CMTM4: variants seen among roughly 807,000 people sequenced by gnomAD.
The protein encoded by CMTM4 is CKLF-like MARVEL transmembrane domain-containing protein 4.
Under a neutral mutation model 19.0 loss-of-function variants are expected in CMTM4, and 8 were observed. The ratio of observed to expected loss-of-function variants is 0.42; its 90% CI spans 0.25 to 0.76. The LOEUF is 0.76. Among genes scored for constraint, CMTM4 ranks in the 30% least tolerant of loss-of-function variants. CMTM4 has a pLI of 0.27. For synonymous variants in CMTM4, 106 were observed against 121.1 expected (o/e 0.88, Z 0.82); for missense variants, 228 against 290.2 (o/e 0.79, Z 1.56).
At chr16:66,678,955 T>C (rs781084759) in intron 1 of CMTM4, among the ~76,000 whole-genome samples, 2 of 151,758 alleles carry the variant, frequency 1.3e-5, no homozygotes, top group Non-Finnish European at 1.5e-5. Flanking sequence ...GTACAAAAAT[T>C]AGGCATGGTG....
intron 2 of CMTM4, among the ~76,000 whole-genome samples, chr16:66,633,106 TATATATATATAA>T (rs56896056): frequency 0.24 from 30,993 of 129,490 alleles, 4,404 homozygotes; most frequent in East Asian, 0.46. Flanking sequence ...TATATAAATA[TATATATATATAA>T]ATATATATAT....
chr16:66,644,704 C>T (rs1213852034), intron 1 of CMTM4, among the ~76,000 whole-genome samples: 1 of 152,144 alleles, frequency 6.6e-6, no homozygotes. Context: ...TGGCAGCAGC[C>T]TTTTGGAACT....
chr16:66,673,706 C>A (rs1420032899), intron 1 of CMTM4, among the ~76,000 whole-genome samples: 3 of 152,170 alleles, frequency 2.0e-5, no homozygotes, highest in Non-Finnish European at 4.4e-5. Context: ...ATACTCCTTG[C>A]AGTTTACTTA....
At position 66,694,605 on chromosome 16, in the gene CMTM4, C is replaced by A. The variant is rs1427820847; in HGVS notation, c.186+1735G>T. The stretch of plus-strand genomic sequence containing the variant: ...GTGGGCGCCTGTAATCCCAGCTACT[C>A]GGGAGGCTGAGGCAGGAGAATCGCT... On this transcript the variant is annotated intron_variant, in intron 1 of 3. Coordinates refer to ENST00000394106, the MANE Select transcript of CMTM4 (RefSeq NM_181521.3). Among the ~76,000 whole-genome samples the A allele has an allele frequency of 1.8e-4, 26 of 148,492 alleles. No homozygotes were observed. In the Admixed American group the frequency reaches 1.8e-3, roughly 10 times the overall value.
At chr16:66,632,483 T>C (rs1298772250) in intron 2 of CMTM4, among the ~76,000 whole-genome samples, 1 of 152,196 alleles carries the variant, frequency 6.6e-6, no homozygotes, top group Non-Finnish European at 1.5e-5. Context: ...TTAAACTCCA[T>C]ATTTACTTTC....
At chr16:66,610,946 A>G (rs2015354197), downstream of CMTM4, 1 of 398,432 alleles carries the variant, frequency 2.5e-6, no homozygotes, top group South Asian at 1.3e-4. This position sits in a 1 kb window ranked among gnomAD's most constrained non-coding sequence, Gnocchi z 4.6. Context: ...GGCAAATATT[A>G]GGTTAGAGCT....
At chr16:66,693,866 C>CA (rs755059026) in intron 1 of CMTM4, among the ~76,000 whole-genome samples, 35 of 152,000 alleles carry the variant, frequency 2.3e-4, no homozygotes, top group Non-Finnish European at 3.7e-4. Context: ...ACCAAAAATA[C>CA]AAAAAATTAG....
chr16:66,665,259 T>C (rs537707717), intron 1 of CMTM4, among the ~76,000 whole-genome samples: 2 of 88,074 alleles, frequency 2.3e-5, no homozygotes, highest in African/African-American at 8.2e-5. Context: ...AGACCCTGTT[T>C]CTTAAAAAAA....
chr16:66,686,741 C>A (rs2017040261), intron 1 of CMTM4, among the ~76,000 whole-genome samples: 1 of 151,908 alleles, frequency 6.6e-6, no homozygotes, highest in African/African-American at 2.4e-5. Flanking sequence ...TCAACCAAGT[C>A]TGTATTTTTT....
At chr16:66,691,232 G>A (rs937885184) in intron 1 of CMTM4, among the ~76,000 whole-genome samples, 1 of 151,992 alleles carries the variant, frequency 6.6e-6, no homozygotes, top group Non-Finnish European at 1.5e-5. Context: ...GATCAGGTGC[G>A]GTGGCTCACG....
chr16:66,654,813 T>C (rs2016369039), intron 1 of CMTM4, among the ~76,000 whole-genome samples: 1 of 152,204 alleles, frequency 6.6e-6, no homozygotes, highest in African/African-American at 2.4e-5. Context: ...GCTGTGAGGA[T>C]TAAATGTAAA....
rs549361390 is a variant in CMTM4, at chr16:66,667,660, T to C, written c.186+28680A>G. Among the ~76,000 whole-genome samples the C allele has an allele frequency of 6.8e-3, 1,036 of 152,190 alleles. 9 individuals carry two copies. The highest frequency in any genetic ancestry group is 8.9e-3 in the Non-Finnish European group (605 of 67,994). On this transcript the variant is annotated intron_variant, in intron 1 of 3. Transcript: ENST00000394106. ...ACCCCGGCACTTTGGGAGGCCGAGG[T>C]GGGCAGATCACGAGGTCAGAAGCTC...
At chr16:66,680,497 G>A (rs1372181518) in intron 1 of CMTM4, among the ~76,000 whole-genome samples, 2 of 141,248 alleles carry the variant, frequency 1.4e-5, no homozygotes, top group Non-Finnish European at 3.1e-5. Context: ...AAAAAAGGTC[G>A]GGCATGGTGG....
rs1048243252 is a variant in CMTM4 at position 66,650,768 on chromosome 16, G to A, written c.187-14187C>T. 3.3e-5 allele frequency among the ~76,000 whole-genome samples: 5 copies of A among 152,146 alleles called. No homozygotes were observed. In the South Asian group the frequency reaches 6.2e-4, roughly 19 times the overall value. ...TAAACTAGTTTGGGAAACACAAAAG[G>A]CATGTGCTGGTCAATACTCAGCTTT... On this transcript the variant is annotated intron_variant, in intron 1 of 3. Coordinates refer to ENST00000394106, the MANE Select transcript of CMTM4 (RefSeq NM_181521.3).
chr16:66,616,326 T>C lies in CMTM4; in HGVS notation c.*5732A>G, dbSNP rs896687889. 1 of 152,210 alleles carries C rather than the reference T, an allele frequency of 6.6e-6. No homozygotes were observed. The highest frequency in any genetic ancestry group is 6.5e-5 in the Admixed American group (1 of 15,284). The allele number at this position is 152,210 out of a possible 1,614,324, so 9.4% of individuals were successfully genotyped here. A position where few individuals can be genotyped will look rare whatever the true frequency, so the allele number is the denominator to read the frequency against. ...ATACTTGTAAATAAATAGTTTAGTG[T>C]TTCTGCCATGGGTTCCTGAACCCCT... is the stretch of plus-strand genomic sequence containing the variant. On this transcript the variant is annotated 3_prime_UTR_variant, in exon 4 of 4. Transcript: ENST00000394106.
the CMTM4 span, among the ~76,000 whole-genome samples, chr16:66,601,083 T>TTGTG: frequency 1.2e-4 from 17 of 146,788 alleles, no homozygotes; most frequent in South Asian, 2.2e-4. Context: ...CTCCCATGGT[T>TTGTG]TGTGTGTGTG....
chr16:66,616,429 G>C lies in CMTM4; in HGVS notation c.*5629C>G, dbSNP rs1479458858. On this transcript the variant is annotated 3_prime_UTR_variant, in exon 4 of 4. Coordinates refer to ENST00000394106, the MANE Select transcript of CMTM4 (RefSeq NM_181521.3). ...AACCACGTCAAACAAAATCAAGTTA[G>C]GAAAAGCACTGATTTTATCCAAGTA... is the stretch of plus-strand genomic sequence containing the variant. The C allele has an allele frequency of 6.6e-6, 1 of 152,176 alleles. No individual in the cohort carries two copies. Among genetic ancestry groups the C allele is most frequent in the Non-Finnish European group, 1.5e-5 (1 of 68,032 alleles). 9.4% of individuals were successfully genotyped at this position (152,176 alleles called of 1,614,324 possible). A position where few individuals can be genotyped will look rare whatever the true frequency, so the allele number is the denominator to read the frequency against.
chr16:66,646,349 T>C (rs1394619955), intron 1 of CMTM4, among the ~76,000 whole-genome samples: 3 of 152,296 alleles, frequency 2.0e-5, no homozygotes, highest in African/African-American at 7.2e-5. Flanking sequence ...GTAAGAAATA[T>C]ACATATTCAT....
chr16:66,679,188 T>C (rs984498996), intron 1 of CMTM4, among the ~76,000 whole-genome samples: 3 of 151,786 alleles, frequency 2.0e-5, no homozygotes, highest in Non-Finnish European at 2.9e-5. Context: ...TTCTAAGAAG[T>C]AAAGAAAAAA....
Sources: gnomAD v4.1 joint callset for allele counts (sites outside exome capture counted in the v4.1 genomes callset) on GRCh38, gnomAD v4.1.1 for gene constraint, Gnocchi (gnomAD v3.1) non-coding constraint, MANE v1.5 for transcripts, NCBI Gene and HGNC (gene_info 2026-07-23, HGNC 2026-07-21) for gene names.